The following EDIL3 variants were observed in gnomAD, a reference collection of about 807,000 sequenced individuals.
EDIL3 encodes EGF-like repeat and discoidin I-like domain-containing protein 3.
EDIL3 carries 37 observed loss-of-function variants against 67.4 expected under a neutral mutation model. The observed-to-expected ratio is 0.55, with a 90% CI of 0.42 to 0.72. The LOEUF (loss-of-function observed/expected upper bound fraction) is 0.72. Ranked by LOEUF, EDIL3 falls within the 30% of genes least tolerant of loss-of-function variation. The pLI is 0.00. For missense variants in EDIL3, 527 were observed against 586.3 expected (o/e 0.90, Z 1.04); for synonymous variants, 195 against 196.3 (o/e 0.99, Z 0.05).
intron 4 of EDIL3, among the ~76,000 whole-genome samples, chr5:84,158,092 T>C (rs921211155): frequency 6.6e-6 from 1 of 152,058 alleles, no homozygotes; most frequent in Admixed American, 6.6e-5. Flanking sequence ...TGAGGAAAGA[T>C]TCTTTAAAAA....
intron 3 of EDIL3, among the ~76,000 whole-genome samples, chr5:84,223,059 G>A (rs1035083130): frequency 1.9e-4 from 29 of 151,544 alleles, no homozygotes; most frequent in African/African-American, 7.0e-4. Flanking sequence ...TAGTCAAGGG[G>A]GTATTCCTCT....
rs1306188581 is a variant in EDIL3 at position 84,254,220 on chromosome 5, A to AT, written c.68-9dup. On this transcript the variant is annotated splice_polypyrimidine_tract_variant and intron_variant, in intron 1 of 10. Transcript: ENST00000296591. ...TGGGATCACAAATATCACCTAAGGC[A>AT]TAAAAAAAAACCGAAATTGACATTT... is the stretch of plus-strand genomic sequence containing the variant. 6.3e-7 allele frequency: 1 copy of AT among 1,595,890 alleles called. No individual in the cohort carries two copies. The highest frequency in any genetic ancestry group is 1.4e-5 in the African/African-American group (1 of 73,540).
Position 84,258,649 on chromosome 5 carries a change from T to C in EDIL3, c.68-4437A>G, listed in dbSNP as rs73769786. 4.6e-3 allele frequency among the ~76,000 whole-genome samples: 703 copies of C among 152,168 alleles called. 5 individuals carry two copies. Among genetic ancestry groups the C allele is most frequent in the African/African-American group, 0.016 (671 of 41,508 alleles). On this transcript the variant is annotated intron_variant, in intron 1 of 10. Coordinates refer to ENST00000296591, the MANE Select transcript of EDIL3 (RefSeq NM_005711.5). ...ACGGGGACCCACAAACCCCTCTCAC[T>C]CTCAAAACTGTCCTGATTTGAATGA...
At chr5:84,137,013 A>G (rs1039904052) in intron 5 of EDIL3, among the ~76,000 whole-genome samples, 3 of 152,140 alleles carry the variant, frequency 2.0e-5, no homozygotes, top group Non-Finnish European at 4.4e-5. Flanking sequence ...TAAATGAGAC[A>G]CCCTAGAGAA....
At chr5:83,989,486 C>A (rs1354240073) in intron 9 of EDIL3, among the ~76,000 whole-genome samples, 2 of 152,194 alleles carry the variant, frequency 1.3e-5, no homozygotes, top group Non-Finnish European at 1.5e-5. Context: ...TGCTCCTTAT[C>A]TCCTGGGAAG....
intron 1 of EDIL3, among the ~76,000 whole-genome samples, chr5:84,373,062 C>A (rs1747887892): frequency 6.6e-6 from 1 of 152,212 alleles, no homozygotes; most frequent in East Asian, 1.9e-4. Context: ...CTGCTCCAGG[C>A]CATGTCCAGA....
At chr5:84,199,133 T>G (rs557414105) in intron 3 of EDIL3, among the ~76,000 whole-genome samples, 1 of 152,108 alleles carries the variant, frequency 6.6e-6, no homozygotes, top group South Asian at 2.1e-4. Context: ...TTCATCTTTA[T>G]CAGAAGGGCC....
chr5:84,280,168 A>G (rs1745668189), intron 1 of EDIL3, among the ~76,000 whole-genome samples: 1 of 152,178 alleles, frequency 6.6e-6, no homozygotes, highest in Non-Finnish European at 1.5e-5. Context: ...GTGATGCCCC[A>G]GGAATCATAT....
chr5:84,313,037 T>C (rs1746438095), intron 1 of EDIL3, among the ~76,000 whole-genome samples: 1 of 152,200 alleles, frequency 6.6e-6, no homozygotes, highest in African/African-American at 2.4e-5. Flanking sequence ...TTATGTAAGT[T>C]ACTAATAGAA....
intron 1 of EDIL3, among the ~76,000 whole-genome samples, chr5:84,337,063 G>A (rs1401740077): frequency 1.3e-5 from 2 of 152,036 alleles, no homozygotes; most frequent in African/African-American, 4.8e-5. Context: ...CAACTAAGTG[G>A]GGATCAAATT....
intron 6 of EDIL3, among the ~76,000 whole-genome samples, chr5:84,105,473 A>T (rs1747443805): frequency 6.6e-6 from 1 of 152,062 alleles, no homozygotes; most frequent in African/African-American, 2.4e-5. Context: ...CTTAGCCATA[A>T]ATCAATTTTC....
chr5:84,054,662 A>G (rs1391431488), intron 9 of EDIL3, among the ~76,000 whole-genome samples: 1 of 152,124 alleles, frequency 6.6e-6, no homozygotes, highest in East Asian at 1.9e-4. Context: ...TTACACACCA[A>G]TAACAGACAA....
At chr5:84,273,222 T>G (rs752860594) in intron 1 of EDIL3, among the ~76,000 whole-genome samples, 4 of 152,186 alleles carry the variant, frequency 2.6e-5, no homozygotes, top group Non-Finnish European at 4.4e-5. Context: ...CGGCCCTCAA[T>G]GTACAATGCC....
chr5:84,072,096 TA>T (rs1390034978), intron 6 of EDIL3, among the ~76,000 whole-genome samples: 19 of 151,914 alleles, frequency 1.3e-4, no homozygotes, highest in African/African-American at 3.6e-4. Context: ...ATCTCAGAGA[TA>T]AAAAAATGGG....
intron 4 of EDIL3, among the ~76,000 whole-genome samples, chr5:84,153,607 C>T (rs1748438081): frequency 6.6e-6 from 1 of 152,088 alleles, no homozygotes; most frequent in East Asian, 1.9e-4. Context: ...GGACTACAGG[C>T]ATCTGCCACC....
intron 1 of EDIL3, among the ~76,000 whole-genome samples, chr5:84,318,463 A>G (rs556207335): frequency 6.6e-6 from 1 of 152,324 alleles, no homozygotes; most frequent in Non-Finnish European, 1.5e-5. Context: ...ACAGATATAT[A>G]GACCAATGGA....
chr5:84,057,255 T>C (rs1320720732), intron 9 of EDIL3, among the ~76,000 whole-genome samples: 1 of 152,170 alleles, frequency 6.6e-6, no homozygotes, highest in Non-Finnish European at 1.5e-5. Context: ...AACAAAGTGA[T>C]AGATGGAGGC....
chr5:84,175,918 A>C (rs1748896105), intron 4 of EDIL3, among the ~76,000 whole-genome samples: 1 of 152,110 alleles, frequency 6.6e-6, no homozygotes, highest in Non-Finnish European at 1.5e-5. Flanking sequence ...TGTAACATAG[A>C]AGACAAAGCA....
At chr5:84,076,841 T>G (rs1350543334) in intron 6 of EDIL3, among the ~76,000 whole-genome samples, 1 of 152,194 alleles carries the variant, frequency 6.6e-6, no homozygotes, top group Non-Finnish European at 1.5e-5. Context: ...CAGTTGTTCT[T>G]TGAAGTAAAC....
Sources: allele counts gnomAD v4.1 joint callset (sites outside exome capture counted in the v4.1 genomes callset), GRCh38; gene constraint gnomAD v4.1.1; transcripts MANE v1.5; gene names NCBI Gene and HGNC (gene_info 2026-07-23, HGNC 2026-07-21).